The following ANK3 variants were observed in gnomAD, a reference collection of about 807,000 sequenced individuals.
ANK3 encodes the protein ankyrin 3.
ANK3 carries 57 observed loss-of-function variants against 370.9 expected under a neutral mutation model. The ratio of observed to expected loss-of-function variants is 0.15; its 90% CI spans 0.12 to 0.19. The LOEUF is 0.19. Among genes scored for constraint, ANK3 ranks in the 10% least tolerant of loss-of-function variants. ANK3 has a pLI of 1.00. For missense variants in ANK3, 4,439 were observed against 5,302.1 expected, an observed-to-expected ratio of 0.84 and a Z score of 5.06; for synonymous variants, 1,929 against 1,946.3, an observed-to-expected ratio of 0.99 and a Z score of 0.23.
chr10:60,064,684 A>ACAG (rs2081294234), intron 38 of ANK3, among the ~76,000 whole-genome samples: 1 of 151,598 alleles, frequency 6.6e-6, no homozygotes, highest in Admixed American at 6.6e-5. Flanking sequence ...AACAACAACA[A>ACAG]CAACAACAAC....
chr10:60,263,853 A>C lies in ANK3; in HGVS notation c.681T>G (p.Asn227Lys). ...AAALLLQNDNNADVESKSGFT... is the reference protein window; with the variant it reads ...AAALLLQNDNKADVESKSGFT... ...GCCTCACCTTTGATTCCACATCTGC[A>C]TTGTTGTCATTCTGCAGCAGCAGGG... The change falls in exon 6 of 44, where the codon AAT becomes AAG. Residue 227 changes from asparagine to lysine, a missense_variant. This residue lies in a region of ANK3 where 136 missense variants were observed against 230.5 expected (regional missense o/e 0.59). Transcript: ENST00000280772. 1 of 1,613,884 alleles carries C rather than the reference A, an allele frequency of 6.2e-7. No individual in the cohort carries two copies. The highest frequency in any genetic ancestry group is 8.5e-7 in the Non-Finnish European group (1 of 1,179,982).
At chr10:60,444,568 C>A (rs1334962869) in intron 2 of ANK3, among the ~76,000 whole-genome samples, 1 of 151,890 alleles carries the variant, frequency 6.6e-6, no homozygotes, top group East Asian at 1.9e-4. Flanking sequence ...CTTTTAATTT[C>A]TTTTAATTCC....
chr10:60,711,513 C>T (rs1440775653), intron 1 of ANK3, among the ~76,000 whole-genome samples: 1 of 151,638 alleles, frequency 6.6e-6, no homozygotes, highest in African/African-American at 2.4e-5. Context: ...GTAGAAACTT[C>T]CCAAAATAAA....
chr10:60,469,003 A>ATATATATACCACTTTTAGTG lies in ANK3; in HGVS notation c.96+146182_96+146183insCACTAAAAGTGGTATATATA, dbSNP rs1567066025. On this transcript the variant is annotated intron_variant, in intron 2 of 43. Transcript: ENST00000373827. ...TATATACCACTTTTAGTGTGTATAT[A>ATATATATACCACTTTTAGTG]TATATATATATATATACCACTTTTA... Among the ~76,000 whole-genome samples the ATATATATACCACTTTTAGTG allele has an allele frequency of 1.2e-3, 65 of 52,142 alleles. 13 individuals are homozygous for ATATATATACCACTTTTAGTG. The highest frequency in any genetic ancestry group is 2.7e-3 in the Admixed American group (10 of 3,666). The allele number at this position is 52,142 out of a possible 152,430, so 34.2% of individuals were successfully genotyped here.
rs765137118 is a variant in ANK3, at chr10:60,073,784, G to A, written c.7097C>T (p.Ser2366Phe). ...KEMYVYQKDLSRGDINLKDFL... is the reference protein window; with the variant it reads ...KEMYVYQKDLFRGDINLKDFL... ...ATCTTTTAGGTTAATATCTCCCCGG[G>A]ATAAGTCTTTCTGATATACATACAT... is the stretch of plus-strand genomic sequence containing the variant. The change falls in exon 37 of 44, where the codon TCC (serine) becomes TTC (phenylalanine). Residue 2366 changes from serine (S) to phenylalanine (F), a missense_variant. Physicochemically the swap from Ser to Phe is radical, Grantham distance 155. This residue lies in a region of ANK3 where 1,601 missense variants were observed against 1,731.7 expected (regional missense o/e 0.92). Coordinates refer to ENST00000280772, the MANE Select transcript of ANK3 (RefSeq NM_020987.5). 1.9e-6 allele frequency: 3 copies of A among 1,613,656 alleles called. No individual in the cohort carries two copies. Among genetic ancestry groups the A allele is most frequent in the Non-Finnish European group, 8.5e-7 (1 of 1,179,992 alleles).
chr10:60,399,744 C>A (rs1236799270), intron 2 of ANK3, among the ~76,000 whole-genome samples: 1 of 152,162 alleles, frequency 6.6e-6, no homozygotes, highest in African/African-American at 2.4e-5. Context: ...AGGTTTTGCT[C>A]CTTCCCGCAA....
intron 7 of ANK3, among the ~76,000 whole-genome samples, chr10:60,242,277 G>T (rs941338404): frequency 7.2e-5 from 11 of 152,106 alleles, no homozygotes; most frequent in Non-Finnish European, 1.5e-4. Context: ...CTTATGATTT[G>T]TAAAAATTCA....
At position 60,278,760 on chromosome 10, in the gene ANK3, A is replaced by C; in HGVS notation, c.414+14T>G. On this transcript the variant is annotated intron_variant, in intron 4 of 43. Transcript: ENST00000280772. The stretch of plus-strand genomic sequence containing the variant: ...TGATAACAAAATGTCTGTGGCATGG[A>C]GTTGTAGGCTTACCTGAGATTGTGC... The C allele has an allele frequency of 6.3e-7, 1 of 1,598,366 alleles. No individual in the cohort carries two copies. The highest frequency in any genetic ancestry group is 2.2e-5 in the East Asian group (1 of 44,816).
chr10:60,598,834 G>A (rs941245955), intron 2 of ANK3, among the ~76,000 whole-genome samples: 2 of 152,208 alleles, frequency 1.3e-5, no homozygotes, highest in Admixed American at 6.5e-5. Flanking sequence ...CCCTGAGGAT[G>A]AATGATTAAA....
chr10:60,137,453 G>A, intron 24 of ANK3: 1 of 288,980 alleles, frequency 3.5e-6, no homozygotes, highest in Non-Finnish European at 6.8e-6. Context: ...ATGGTTGAAT[G>A]AGTTACACAT....
chr10:60,245,301 T>G (rs1386544052), intron 7 of ANK3, among the ~76,000 whole-genome samples: 1 of 152,234 alleles, frequency 6.6e-6, no homozygotes, highest in Non-Finnish European at 1.5e-5. Context: ...TTTATTATCT[T>G]CCACTGAAAG....
At chr10:60,128,525 G>A (rs1347599893) in intron 25 of ANK3, among the ~76,000 whole-genome samples, 2 of 151,846 alleles carry the variant, frequency 1.3e-5, no homozygotes, top group South Asian at 2.1e-4. Context: ...GATTACAGGC[G>A]TGCACCACTA....
chr10:60,534,357 T>C (rs2076676596), intron 2 of ANK3, among the ~76,000 whole-genome samples: 2 of 152,070 alleles, frequency 1.3e-5, no homozygotes, highest in East Asian at 1.9e-4. Flanking sequence ...CTCAGCAGAA[T>C]TGCAAATTAC....
chr10:60,504,164 A>T (rs976186883), intron 2 of ANK3, among the ~76,000 whole-genome samples: 1 of 152,198 alleles, frequency 6.6e-6, no homozygotes, highest in African/African-American at 2.4e-5. Context: ...TAAAAACATG[A>T]TGCTTTAATA....
chr10:60,244,336 A>G (rs1565946602), intron 7 of ANK3, among the ~76,000 whole-genome samples: 2 of 152,194 alleles, frequency 1.3e-5, no homozygotes, highest in African/African-American at 4.8e-5. Context: ...TCATTAAGGG[A>G]AGAGTTAAGT....
chr10:60,055,937 C>T lies in ANK3; in HGVS notation c.12786G>A (p.Lys4262=), dbSNP rs781133118. Residue 4262 remains lysine, a synonymous_variant, in exon 42 of 44, where the codon AAG becomes AAA. Transcript: ENST00000280772. ...GGGATTCTGGAAAGTAAGATTTTGT[C>T]TTTGCTTCTGGAGTGATTTCTGTAT... The part of the protein sequence containing the change: ...GSHTEITPEA[K]TKSYFPESQN... 2.5e-6 allele frequency: 4 copies of T among 1,614,088 alleles called. No individual in the cohort carries two copies. In the East Asian group the frequency reaches 8.9e-5, roughly 36 times the overall value.
chr10:60,305,124 C>T (rs770713025), intron 1 of ANK3, among the ~76,000 whole-genome samples: 45 of 152,178 alleles, frequency 3.0e-4, no homozygotes, highest in Non-Finnish European at 6.3e-4. Flanking sequence ...TCCCCATGCC[C>T]GGCTTCACCC....
chr10:60,031,785 C>T (rs1389069797), intron 43 of ANK3, among the ~76,000 whole-genome samples: 1 of 152,164 alleles, frequency 6.6e-6, no homozygotes, highest in Non-Finnish European at 1.5e-5. Context: ...AGCACTTCCT[C>T]TCTCTGCCCC....
chr10:60,069,838 T>A lies in ANK3; in HGVS notation c.11043A>T (p.Glu3681Asp). Residue 3681 changes from glutamate (E) to aspartate (D), a missense_variant, in exon 37 of 44, where the codon GAA becomes GAT. This residue lies in a region of ANK3 where 496 missense variants were observed against 529.3 expected (regional missense o/e 0.94). Coordinates refer to ENST00000280772, the MANE Select transcript of ANK3 (RefSeq NM_020987.5). ...LERNVETPTV[E>D]PNPSIPTSGE... is the part of the protein sequence containing the mutation. ...CGCTGGTCGGGATGCTGGGGTTAGG[T>A]TCCACTGTAGGTGTCTCTACATTTC... 1 of 1,614,098 alleles carries A rather than the reference T, an allele frequency of 6.2e-7. No individual in the cohort carries two copies. The highest frequency in any genetic ancestry group is 1.7e-4 in the Middle Eastern group (1 of 6,060).
Sources: gnomAD v4.1 joint callset for allele counts (sites outside exome capture counted in the v4.1 genomes callset) on GRCh38, gnomAD v4.1.1 for gene constraint, gnomAD v4.1.1 regional missense constraint, MANE v1.5 for transcripts, NCBI Gene and HGNC (gene_info 2026-07-23, HGNC 2026-07-21) for gene names.